Variants in TMPRSS15 observed in about 807,000 individuals in gnomAD.
TMPRSS15 encodes the protein transmembrane serine protease 15.
TMPRSS15 carries 128 observed loss-of-function variants against 125.3 expected under a neutral mutation model. The ratio of observed to expected loss-of-function variants is 1.02; its 90% CI spans 0.89 to 1.18. The LOEUF is 1.18. TMPRSS15 is among the 50% of genes most tolerant of loss of function. The pLI is 0.00. For missense variants in TMPRSS15, 1,283 were observed against 1,212.7 expected, an observed-to-expected ratio of 1.06 and a Z score of -0.86; for synonymous variants, 446 against 423.2, an observed-to-expected ratio of 1.05 and a Z score of -0.66.
chr21:18,375,537 TA>T (rs1372267979), intron 5 of TMPRSS15, among the ~76,000 whole-genome samples: 5 of 152,180 alleles, frequency 3.3e-5, no homozygotes, highest in African/African-American at 9.6e-5. Context: ...ATGAAGAGAA[TA>T]ATAATTGGTT....
In TMPRSS15 at chr21:18,278,924, G is replaced by GTTTTTTTTTT. The variant is rs59972471; in HGVS notation, c.2764+30_2764+39dup. On this transcript the variant is annotated intron_variant, in intron 23 of 24. Coordinates refer to ENST00000284885, the MANE Select transcript of TMPRSS15 (RefSeq NM_002772.3). Reference sequence around the variant, plus strand: ...TGACAGTCTGTTTTTCACCAGTAAGGTTTTTTTTTTTTTTTTTTTTTTTGA... The same window carrying GTTTTTTTTTT: ...TGACAGTCTGTTTTTCACCAGTAAGGTTTTTTTTTTTTTTTTTTTTTTTTTTTTTTTTTGA... 205 of 440,140 alleles carry GTTTTTTTTTT rather than the reference G, an allele frequency of 4.7e-4. 1 individual carries two copies. The highest frequency in any genetic ancestry group is 1.1e-3 in the East Asian group (17 of 16,182). 27.3% of individuals were successfully genotyped at this position (440,140 alleles called of 1,614,324 possible).
At chr21:18,328,202 C>T (rs937773587) in intron 15 of TMPRSS15, among the ~76,000 whole-genome samples, 5 of 151,968 alleles carry the variant, frequency 3.3e-5, no homozygotes, top group African/African-American at 1.2e-4. Flanking sequence ...TGTAATAGCA[C>T]AAAAATTTCC....
chr21:18,270,031 GATT>G lies in TMPRSS15; in HGVS notation c.2995_2997del (p.Asn999del). 6.2e-7 allele frequency: 1 copy of G among 1,613,946 alleles called. No individual in the cohort carries two copies. Among genetic ancestry groups the G allele is most frequent in the African/African-American group, 1.3e-5 (1 of 74,980 alleles). ...GAGACCCTGGCATACACTCCGGGGC[GATT>G]AGGCAGGGCACACTTGTATCCAAAT... On this transcript the variant is annotated inframe_deletion, in exon 25 of 25. Transcript: ENST00000284885.
At chr21:18,444,863 C>T (rs2076251459) in intron 1 of TMPRSS15, among the ~76,000 whole-genome samples, 2 of 152,130 alleles carry the variant, frequency 1.3e-5, no homozygotes, top group African/African-American at 4.8e-5. Context: ...ACCTCCTCTC[C>T]TTCCAAACCT....
intron 19 of TMPRSS15, among the ~76,000 whole-genome samples, chr21:18,296,075 C>A (rs868494478): frequency 8.5e-5 from 13 of 152,148 alleles, no homozygotes; most frequent in African/African-American, 3.1e-4. Flanking sequence ...ATGGTGGGAA[C>A]TTGGGAGGTG....
intron 3 of TMPRSS15, among the ~76,000 whole-genome samples, chr21:18,396,462 G>C (rs2076036985): frequency 6.6e-6 from 1 of 152,072 alleles, no homozygotes; most frequent in South Asian, 2.1e-4. Context: ...ACAGTCATTT[G>C]GTGAGGAGTG....
At chr21:18,398,656 A>T (rs765552353) in intron 1 of TMPRSS15, among the ~76,000 whole-genome samples, 2 of 152,052 alleles carry the variant, frequency 1.3e-5, no homozygotes, top group South Asian at 4.1e-4. Flanking sequence ...GGACTGATGA[A>T]CTCCCACCAA....
intron 1 of TMPRSS15, among the ~76,000 whole-genome samples, chr21:18,425,007 A>G (rs2076199801): frequency 6.7e-6 from 1 of 150,160 alleles, no homozygotes; most frequent in Admixed American, 6.6e-5. Flanking sequence ...ATGAATACAT[A>G]TGAATTAATA....
chr21:18,416,877 A>C (rs2123183048), intron 1 of TMPRSS15, among the ~76,000 whole-genome samples: 1 of 152,200 alleles, frequency 6.6e-6, no homozygotes, highest in East Asian at 1.9e-4. Context: ...TGTATTAACG[A>C]GATTACAAAT....
At chr21:18,394,231 T>C (rs2076013884) in intron 3 of TMPRSS15, among the ~76,000 whole-genome samples, 1 of 152,186 alleles carries the variant, frequency 6.6e-6, no homozygotes, top group African/African-American at 2.4e-5. Flanking sequence ...GTTAGCAATT[T>C]ATGTTGTATT....
upstream of TMPRSS15, among the ~76,000 whole-genome samples, chr21:18,406,009 T>C (rs2076150776): frequency 6.6e-6 from 1 of 152,194 alleles, no homozygotes; most frequent in Non-Finnish European, 1.5e-5. Flanking sequence ...TGCATATGTT[T>C]TCATTCAGCT....
chr21:18,315,007 C>A lies in TMPRSS15; in HGVS notation c.2032+139G>T, dbSNP rs2075146297. On this transcript the variant is annotated intron_variant, in intron 17 of 24. Transcript: ENST00000284885. ...CAGATGGGGACAGAGGTGCTAAAAT[C>A]ATCTCAGAGATGAGATGTTCTCGTT... 2.9e-5 allele frequency: 21 copies of A among 729,100 alleles called. 1 individual carries two copies. The South Asian group carries it at 3.2e-4, about 11-fold the overall frequency. 45.2% of individuals were successfully genotyped at this position (729,100 alleles called of 1,614,324 possible). A position where few individuals can be genotyped will look rare whatever the true frequency, so the allele number is the denominator to read the frequency against.
intron 3 of TMPRSS15, among the ~76,000 whole-genome samples, chr21:18,390,493 C>T (rs892174635): frequency 6.6e-6 from 1 of 152,102 alleles, no homozygotes; most frequent in African/African-American, 2.4e-5. Flanking sequence ...CTGTGGTGGG[C>T]ATTAGTTAGG....
chr21:18,281,004 C>A, intron 22 of TMPRSS15, 36 bp downstream of exon 22: 2 of 1,595,342 alleles, frequency 1.3e-6, no homozygotes, highest in African/African-American at 2.7e-5. Flanking sequence ...TTAATTTTGG[C>A]AGATAAGATG....
intron 1 of TMPRSS15, among the ~76,000 whole-genome samples, chr21:18,446,812 A>C (rs1479352910): frequency 1.6e-4 from 25 of 152,184 alleles, no homozygotes. Flanking sequence ...GAAGACCTCA[A>C]AGTAGGACCA....
At position 18,343,643 on chromosome 21, in the gene TMPRSS15, C is replaced by T. The variant is rs1569021242; in HGVS notation, c.1291G>A (p.Gly431Ser). Residue 431 changes from glycine (G) to serine (S), a missense_variant, in exon 12 of 25, where the codon GGT becomes AGT. Gly to Ser is a moderately conservative substitution (Grantham distance 56). Coordinates refer to ENST00000284885, the MANE Select transcript of TMPRSS15 (RefSeq NM_002772.3). ...ATGCTTAATTTATGGACATTTTCAC[C>T]ATACATATGATACCTAGTTTGGAAA... ...ACLSFWYHMY[G>S]ENVHKLSINI... 1 of 1,613,510 alleles carries T rather than the reference C, an allele frequency of 6.2e-7. No individual in the cohort carries two copies.
chr21:18,328,193 G>A (rs1041805), intron 15 of TMPRSS15, among the ~76,000 whole-genome samples: 84,669 of 151,780 alleles, frequency 0.56, 24,293 homozygotes, highest in African/African-American at 0.69. Context: ...AGTACACTCT[G>A]TAATAGCACA....
At chr21:18,459,756 A>G (rs1157604197) in intron 1 of TMPRSS15, among the ~76,000 whole-genome samples, 4 of 152,200 alleles carry the variant, frequency 2.6e-5, no homozygotes, top group Non-Finnish European at 5.9e-5. Context: ...AATTGTTTTA[A>G]ATATATCAAT....
chr21:18,381,694 C>T (rs1184629188), intron 4 of TMPRSS15, among the ~76,000 whole-genome samples: 1 of 152,096 alleles, frequency 6.6e-6, no homozygotes, highest in Admixed American at 6.6e-5. Flanking sequence ...TCTCTTCCCC[C>T]AGATGATCCA....
Sources: gnomAD v4.1 joint callset for allele counts (sites outside exome capture counted in the v4.1 genomes callset) on GRCh38, gnomAD v4.1.1 for gene constraint, MANE v1.5 for transcripts, NCBI Gene and HGNC (gene_info 2026-07-23, HGNC 2026-07-21) for gene names.